IKBKG: variants seen among roughly 807,000 people sequenced by gnomAD.
IKBKG encodes the protein NF-kappa-B essential modulator.
A neutral mutation model predicts 13.7 loss-of-function variants in IKBKG; 2 were observed. That is an observed-to-expected ratio of 0.15 (90% CI 0.06 to 0.46). IKBKG has a LOEUF of 0.46. Among genes scored for constraint, IKBKG ranks in the 20% least tolerant of loss-of-function variants. IKBKG has a pLI of 0.98. For missense variants in IKBKG, 53 were observed against 150.3 expected (o/e 0.35, Z 3.39); for synonymous variants, 22 against 64.4 (o/e 0.34, Z 3.15).
chrX:154,541,712 C>A (rs2070511420), intron 1 of IKBKG, among the ~76,000 whole-genome samples: 2 of 112,467 alleles, frequency 1.8e-5, no homozygotes, highest in African/African-American at 6.5e-5. Context: ...GGGGAGGGAT[C>A]TGCCCAAGGA....
At chrX:154,554,814 T>TG (rs1301111401) in intron 2 of IKBKG, among the ~76,000 whole-genome samples, 1 of 111,529 alleles carries the variant, frequency 9.0e-6, no homozygotes, top group African/African-American at 3.3e-5. Flanking sequence ...GGGATTCTGA[T>TG]GGGGGGTGGA....
At chrX:154,547,618 C>T (rs868928265), upstream of IKBKG, 1 of 753,775 alleles carries the variant, frequency 1.3e-6, no homozygotes, top group Non-Finnish European at 1.6e-6. Flanking sequence ...AGCTATGACA[C>T]CGGAAGCCGG....
chrX:154,545,992 A>T, upstream of IKBKG: 1 of 1,205,568 alleles, frequency 8.3e-7, no homozygotes, highest in Non-Finnish European at 1.1e-6. Flanking sequence ...GGCATGGAGC[A>T]GGCACTTCCT....
chrX:154,545,779 G>T, upstream of IKBKG: 1 of 331,521 alleles, frequency 3.0e-6, no homozygotes, highest in Non-Finnish European at 5.3e-6. Flanking sequence ...AGGTTGCAGT[G>T]AGCCAAGATG....
At chrX:154,550,396 A>T (rs992887835) in intron 1 of IKBKG, among the ~76,000 whole-genome samples, 1 of 98,037 alleles carries the variant, frequency 1.0e-5, no homozygotes, top group Non-Finnish European at 2.0e-5. Context: ...GAGGTCTTAG[A>T]GAGGTTCGTT....
At chrX:154,548,395 C>T (rs1196638149) in intron 1 of IKBKG, among the ~76,000 whole-genome samples, 3 of 112,078 alleles carry the variant, frequency 2.7e-5, no homozygotes, top group African/African-American at 9.7e-5. Flanking sequence ...TTACACTGAT[C>T]GTTCTAGCAG....
At chrX:154,542,974 G>A (rs1557232331), upstream of IKBKG, among the ~76,000 whole-genome samples, 1 of 112,039 alleles carries the variant, frequency 8.9e-6, no homozygotes, top group African/African-American at 3.3e-5. Flanking sequence ...CTCAATGAAC[G>A]GAGAATGGGC....
chrX:154,553,416 G>T (rs2070987516), intron 2 of IKBKG, among the ~76,000 whole-genome samples: 1 of 112,877 alleles, frequency 8.9e-6, no homozygotes, highest in Admixed American at 9.3e-5. Context: ...CACCCCGTGG[G>T]CAGAGACAAG....
intron 1 of IKBKG, among the ~76,000 whole-genome samples, chrX:154,550,095 C>T (rs1196147133): frequency 4.5e-5 from 5 of 110,655 alleles, no homozygotes; most frequent in Non-Finnish European, 7.6e-5. Context: ...TTTAAGTGTG[C>T]CTCTCTCTAA....
chrX:154,550,133 A>G (rs1447788865), intron 1 of IKBKG, among the ~76,000 whole-genome samples: 1 of 110,561 alleles, frequency 9.0e-6, no homozygotes, highest in Non-Finnish European at 1.9e-5. Context: ...CAACCACAAT[A>G]TCATTATGAC....
At chrX:154,542,383 A>G (rs1184023941), upstream of IKBKG, 2 of 1,206,252 alleles carry the variant, frequency 1.7e-6, no homozygotes, top group African/African-American at 3.5e-5. Context: ...TCGAGGTCCC[A>G]TCAGGTGGGG....
At chrX:154,543,386 C>T (rs1277628342), upstream of IKBKG, among the ~76,000 whole-genome samples, 1 of 112,229 alleles carries the variant, frequency 8.9e-6, no homozygotes, top group Non-Finnish European at 1.9e-5. Flanking sequence ...GACCCTGGGC[C>T]CTCGTTTCAA....
chrX:154,542,568 G>A, upstream of IKBKG: 1 of 971,211 alleles, frequency 1.0e-6, no homozygotes. Context: ...TGGGTGTGTG[G>A]GCAAGTGTGA....
At chrX:154,548,178 C>A (rs1425843338) in intron 1 of IKBKG, 1 of 647,068 alleles carries the variant, frequency 1.5e-6, no homozygotes, top group Non-Finnish European at 1.8e-6. Flanking sequence ...AATGAATGGG[C>A]TCTCCTGGCA....
intron 4 of IKBKG, 132 bp downstream of exon 4, chrX:154,558,782 C>G (rs1170268154): frequency 8.7e-6 from 1 of 114,403 alleles, no homozygotes; most frequent in African/African-American, 6.2e-5. Flanking sequence ...TCGGGGCAGA[C>G]GTCGGGAGAG....
At chrX:154,546,067 T>G (rs1166565982), upstream of IKBKG, 1 of 1,209,618 alleles carries the variant, frequency 8.3e-7, no homozygotes, top group Non-Finnish European at 1.1e-6. Flanking sequence ...TATGTGTGTA[T>G]CCGACTGATG....
upstream of IKBKG, among the ~76,000 whole-genome samples, chrX:154,543,745 G>C (rs191860723): frequency 9.1e-6 from 1 of 110,427 alleles, no homozygotes; most frequent in African/African-American, 3.3e-5. Flanking sequence ...CCAGGATGGA[G>C]TGCAATGGTG....
intron 2 of IKBKG, among the ~76,000 whole-genome samples, chrX:154,555,408 C>T (rs1175511410): frequency 8.9e-6 from 1 of 112,238 alleles, no homozygotes; most frequent in Non-Finnish European, 1.9e-5. Flanking sequence ...GAGTCACTTA[C>T]AAACAAAGTG....
At chrX:154,547,147 G>A, upstream of IKBKG, 1 of 163,007 alleles carries the variant, frequency 6.1e-6, no homozygotes. Context: ...CGCCGGCCCG[G>A]CCCCGCCCCT....
Sources: allele counts gnomAD v4.1 joint callset (sites outside exome capture counted in the v4.1 genomes callset), GRCh38; gene constraint gnomAD v4.1.1; transcripts MANE v1.5; gene names NCBI Gene and HGNC (gene_info 2026-07-23, HGNC 2026-07-21).